Variants in RAB40C observed in about 807,000 individuals in gnomAD.
RAB40C encodes RAB40C, member RAS oncogene family.
Under a neutral mutation model 28.1 loss-of-function variants are expected in RAB40C, and 8 were observed. The observed-to-expected ratio is 0.28, with a 90% CI of 0.17 to 0.51. The LOEUF is 0.51. Ranked by LOEUF, RAB40C falls within the 20% of genes least tolerant of loss-of-function variation. The pLI is 0.97. For missense variants in RAB40C, 288 were observed against 405.9 expected, an observed-to-expected ratio of 0.71 and a Z score of 2.50; for synonymous variants, 201 against 171.7, an observed-to-expected ratio of 1.17 and a Z score of -1.34.
intron 1 of RAB40C, among the ~76,000 whole-genome samples, chr16:615,712 A>G (rs1421783012): frequency 6.6e-6 from 1 of 152,250 alleles, no homozygotes; most frequent in Non-Finnish European, 1.5e-5. Context: ...CTGTAATCCC[A>G]GCACTTTGGG....
At chr16:608,073 AG>A (rs1021700271) in intron 1 of RAB40C, among the ~76,000 whole-genome samples, 32 of 152,296 alleles carry the variant, frequency 2.1e-4, no homozygotes, top group African/African-American at 7.7e-4. Context: ...GCTGCTAGGA[AG>A]AAATACCCCA....
intron 1 of RAB40C, among the ~76,000 whole-genome samples, chr16:598,452 T>C (rs1238295254): frequency 6.6e-6 from 1 of 150,918 alleles, no homozygotes; most frequent in Non-Finnish European, 1.5e-5. Flanking sequence ...CCCCAACTAC[T>C]TGGGAGGCTG....
chr16:594,329 G>A (rs1196776507), intron 1 of RAB40C, among the ~76,000 whole-genome samples: 1 of 152,226 alleles, frequency 6.6e-6, no homozygotes, highest in East Asian at 1.9e-4. Flanking sequence ...AGCCTGGCAA[G>A]TTGTGGGGAG....
intron 1 of RAB40C, among the ~76,000 whole-genome samples, chr16:601,068 TA>T (rs1181788870): frequency 6.6e-6 from 1 of 152,192 alleles, no homozygotes; most frequent in Non-Finnish European, 1.5e-5. Context: ...TCATTAGCGT[TA>T]AAGCTCTTCT....
upstream of RAB40C, chr16:589,455 C>T (rs1011971789): frequency 3.3e-5 from 5 of 152,262 alleles, no homozygotes; most frequent in African/African-American, 4.8e-5. Context: ...CGCATCGCCT[C>T]GGCTCGGGCG....
chr16:600,162 C>T (rs956531913), intron 1 of RAB40C, among the ~76,000 whole-genome samples: 3 of 152,220 alleles, frequency 2.0e-5, no homozygotes, highest in East Asian at 3.8e-4. Context: ...GTGGCACCTG[C>T]GTCCTGGGCT....
rs2036811045 is a variant in RAB40C at position 625,526 on chromosome 16, G to C, written c.342+17G>C. On this transcript the variant is annotated intron_variant, in intron 4 of 5. Transcript: ENST00000248139. ...ATCGATGAGGTAGGCCTGGGTCCGG[G>C]GAGCCCTCCCGGGGAAGGCAGGCTG... is the stretch of plus-strand genomic sequence containing the variant. 1 of 1,612,162 alleles carries C rather than the reference G, an allele frequency of 6.2e-7. No individual in the cohort carries two copies. Among genetic ancestry groups the C allele is most frequent in the Non-Finnish European group, 8.5e-7 (1 of 1,179,372 alleles).
At chr16:625,555 G>A (rs2036811884) in intron 4 of RAB40C, 46 bp downstream of exon 4, 1 of 1,579,166 alleles carries the variant, frequency 6.3e-7, no homozygotes, top group Non-Finnish European at 8.7e-7. Context: ...CAGGCTGGAT[G>A]GAGGTACCTG....
intron 1 of RAB40C, chr16:616,917 T>C (rs1203177682): frequency 4.8e-6 from 2 of 418,958 alleles, no homozygotes; most frequent in Non-Finnish European, 8.8e-6. Context: ...GCCGTGCCCA[T>C]GGAGAGGCTG....
chr16:592,466 A>G (rs1347006006), intron 1 of RAB40C, among the ~76,000 whole-genome samples: 1 of 152,094 alleles, frequency 6.6e-6, no homozygotes, highest in East Asian at 1.9e-4. Context: ...CTCTGTGTCC[A>G]TTTTGAGGTG....
chr16:619,214 C>G (rs531131033), intron 3 of RAB40C, among the ~76,000 whole-genome samples: 2 of 146,590 alleles, frequency 1.4e-5, no homozygotes, highest in Non-Finnish European at 3.0e-5. Flanking sequence ...TGTGTGTGTG[C>G]AGGCATGTGC....
intron 2 of RAB40C, 27 bp from the exon 3 acceptor site, chr16:618,173 G>A (rs201052771): frequency 5.0e-6 from 8 of 1,608,400 alleles, no homozygotes; most frequent in South Asian, 4.4e-5. Flanking sequence ...CCACAGTCCC[G>A]GCCCCTCCCC....
intron 1 of RAB40C, among the ~76,000 whole-genome samples, chr16:609,040 A>C (rs2036425800): frequency 6.6e-6 from 1 of 152,174 alleles, no homozygotes; most frequent in Non-Finnish European, 1.5e-5. Context: ...ACGTGAGCCT[A>C]GGAGTTGGAG....
chr16:609,607 AC>A (rs2036438897), intron 1 of RAB40C, among the ~76,000 whole-genome samples: 1 of 152,150 alleles, frequency 6.6e-6, no homozygotes, highest in East Asian at 1.9e-4. Context: ...AGGACATCTT[AC>A]CATTGGCGTC....
rs1159149028 is a variant in RAB40C, at chr16:628,142, G to C, written c.*520G>C. 1 of 153,118 alleles carries C rather than the reference G, an allele frequency of 6.5e-6. No individual in the cohort carries two copies. Among genetic ancestry groups the C allele is most frequent in the Non-Finnish European group, 1.5e-5 (1 of 68,734 alleles). 9.5% of individuals were successfully genotyped at this position (153,118 alleles called of 1,614,324 possible). On this transcript the variant is annotated 3_prime_UTR_variant, in exon 6 of 6. Coordinates refer to ENST00000248139, the MANE Select transcript of RAB40C (RefSeq NM_021168.5). ...GCCCAGAGGCCGGGGGAGCAGACAG[G>C]GCCGGTGCTCCCTCTGGAAGCTTGG...
At chr16:599,042 T>A (rs1304381802) in intron 1 of RAB40C, among the ~76,000 whole-genome samples, 1 of 152,192 alleles carries the variant, frequency 6.6e-6, no homozygotes, top group Non-Finnish European at 1.5e-5. Flanking sequence ...AGCCTGTGTG[T>A]CAGACCTAGC....
At chr16:617,140 G>A (rs1443614525) in intron 1 of RAB40C, 68 bp from the exon 2 acceptor site, 11 of 1,554,962 alleles carry the variant, frequency 7.1e-6, no homozygotes, top group African/African-American at 6.8e-5. Flanking sequence ...GCCAGTGGCC[G>A]AGGCTGGTCT....
rs2036121266 is a variant in RAB40C, at chr16:596,224, A to G, written c.142+5791A>G. On this transcript the variant is annotated intron_variant, in intron 1 of 5. Transcript: ENST00000248139. ...TAAATTGAACAGTGTTTCAGGAAGGAAGCCACATCGGGGAGCTGAGAGGTG... is the reference window on the plus strand; with the variant it reads ...TAAATTGAACAGTGTTTCAGGAAGGGAGCCACATCGGGGAGCTGAGAGGTG... The G allele has an allele frequency of 8.9e-6, 4 of 447,022 alleles. No individual in the cohort carries two copies. In the Admixed American group the frequency reaches 9.7e-5, roughly 11 times the overall value. The allele number at this position is 447,022 out of a possible 1,614,324, so 27.7% of individuals were successfully genotyped here. A position where few individuals can be genotyped will look rare whatever the true frequency, so the allele number is the denominator to read the frequency against.
rs2036559094 is a variant in RAB40C, at chr16:615,025, CCTT to C, written c.143-2179_143-2177del. 2.0e-5 allele frequency among the ~76,000 whole-genome samples: 3 copies of C among 152,206 alleles called. No individual in the cohort carries two copies. The South Asian group carries it at 6.2e-4, about 31-fold the overall frequency. The stretch of plus-strand genomic sequence containing the variant: ...TGGCCCTTTTGGCACAACCATTGTT[CCTT>C]CTTGTCTTGGAAACGAGGACCCGAG... On this transcript the variant is annotated intron_variant, in intron 1 of 5. Coordinates refer to ENST00000248139, the MANE Select transcript of RAB40C (RefSeq NM_021168.5).
Sources: gnomAD v4.1 joint callset for allele counts (sites outside exome capture counted in the v4.1 genomes callset) on GRCh38, gnomAD v4.1.1 for gene constraint, MANE v1.5 for transcripts, NCBI Gene and HGNC (gene_info 2026-07-23, HGNC 2026-07-21) for gene names.